TADA2A: variants seen among roughly 807,000 people sequenced by gnomAD.
TADA2A encodes transcriptional adaptor 2A, also known as transcriptional adapter 2-alpha.
Under a neutral mutation model 67.4 loss-of-function variants are expected in TADA2A, and 38 were observed. The ratio of observed to expected loss-of-function variants is 0.56; its 90% CI spans 0.44 to 0.74. TADA2A has a LOEUF of 0.74. Among genes scored for constraint, TADA2A ranks in the 30% least tolerant of loss-of-function variants. The pLI is 0.00. For missense variants in TADA2A, 454 were observed against 547.0 expected (o/e 0.83, Z 1.70); for synonymous variants, 192 against 181.6 (o/e 1.06, Z -0.46).
At chr17:37,460,506 A>G (rs1476739240) in intron 9 of TADA2A, among the ~76,000 whole-genome samples, 1 of 151,802 alleles carries the variant, frequency 6.6e-6, no homozygotes, top group Non-Finnish European at 1.5e-5. Flanking sequence ...CAGCCTCCCA[A>G]AGTGCTGGGA....
At chr17:37,422,747 C>G (rs1172866657) in intron 2 of TADA2A, among the ~76,000 whole-genome samples, 7 of 152,042 alleles carry the variant, frequency 4.6e-5, no homozygotes. Context: ...GGTAATGCAC[C>G]CACCTTGGCC....
chr17:37,411,346 C>T lies in TADA2A; in HGVS notation c.-20C>T. ...GCTCTGCTGAGGAAGACCAAAGCAG[C>T]ACTCGTTGCCAATTAGGGAATGGAC... On this transcript the variant is annotated 5_prime_UTR_variant, in exon 2 of 16. Transcript: ENST00000615182. 1 of 1,613,822 alleles carries T rather than the reference C, an allele frequency of 6.2e-7. No homozygotes were observed. Among genetic ancestry groups the T allele is most frequent in the Admixed American group, 1.7e-5 (1 of 60,018 alleles).
rs1568155100 is a variant in TADA2A at position 37,439,934 on chromosome 17, ATTT to A, written c.285-570_285-568del. On this transcript the variant is annotated intron_variant, in intron 5 of 15. Coordinates refer to ENST00000615182, the MANE Select transcript of TADA2A (RefSeq NM_001166105.3). ...TATTTATTTATTTATTTATTTATTT[ATTT>A]ATTTATTATTTTTTTTTTTTTTTGA... is the stretch of plus-strand genomic sequence containing the variant. 5.6e-5 allele frequency among the ~76,000 whole-genome samples: 5 copies of A among 88,884 alleles called. No individual in the cohort carries two copies. The East Asian group carries it at 2.1e-3, about 37-fold the overall frequency. 58.3% of individuals were successfully genotyped at this position (88,884 alleles called of 152,430 possible). A position where few individuals can be genotyped will look rare whatever the true frequency, so the allele number is the denominator to read the frequency against.
intron 8 of TADA2A, among the ~76,000 whole-genome samples, chr17:37,457,064 C>T (rs1025431990): frequency 1.3e-5 from 2 of 152,130 alleles, no homozygotes; most frequent in Non-Finnish European, 2.9e-5. Context: ...GTTGCTGCTC[C>T]CCAACTGAAA....
chr17:37,422,163 A>C (rs2052257008), intron 2 of TADA2A, among the ~76,000 whole-genome samples: 1 of 145,322 alleles, frequency 6.9e-6, no homozygotes, highest in Non-Finnish European at 1.5e-5. Context: ...CCTCTGCCTC[A>C]GCCTCCTGAG....
intron 11 of TADA2A, 46 bp from the exon 12 acceptor site, chr17:37,467,408 C>T (rs377627723): frequency 8.4e-6 from 13 of 1,548,464 alleles, no homozygotes; most frequent in East Asian, 2.3e-5. Flanking sequence ...ACTAATGTTG[C>T]TTTTGTTTTT....
At chr17:37,435,997 T>A (rs866877238) in intron 4 of TADA2A, among the ~76,000 whole-genome samples, 26 of 151,880 alleles carry the variant, frequency 1.7e-4, no homozygotes, top group African/African-American at 5.3e-4. Context: ...ATTGCAGGCA[T>A]GAGCCACCAT....
chr17:37,412,783 C>CAA, intron 2 of TADA2A, among the ~76,000 whole-genome samples: 1 of 146,512 alleles, frequency 6.8e-6, no homozygotes. Context: ...GAATCTGTCT[C>CAA]AAAAAAAAAA....
intron 10 of TADA2A, among the ~76,000 whole-genome samples, chr17:37,464,540 T>C (rs565543894): frequency 1.8e-3 from 280 of 152,228 alleles, no homozygotes; most frequent in Non-Finnish European, 3.3e-3. Context: ...CCCTGTGTAG[T>C]TTAAAAGACA....
At chr17:37,435,408 C>T (rs1473144935) in intron 4 of TADA2A, among the ~76,000 whole-genome samples, 2 of 152,166 alleles carry the variant, frequency 1.3e-5, no homozygotes. Flanking sequence ...CCTGCCTCAG[C>T]CTCCCGAGCA....
rs1306572933 is a variant in TADA2A, at chr17:37,419,394, G to A, written c.26-4115G>A. 4.8e-5 allele frequency among the ~76,000 whole-genome samples: 7 copies of A among 144,912 alleles called. 1 individual carries two copies. Among genetic ancestry groups the A allele is most frequent in the South Asian group, 2.3e-4 (1 of 4,398 alleles). On this transcript the variant is annotated intron_variant, in intron 2 of 15. Coordinates refer to ENST00000615182, the MANE Select transcript of TADA2A (RefSeq NM_001166105.3). Reference sequence around the variant, plus strand: ...TCACCATGTTCCCCAGGCTGGTCTCGAACTCCTGAGCTCAAGTGATCCACC... The same window carrying A: ...TCACCATGTTCCCCAGGCTGGTCTCAAACTCCTGAGCTCAAGTGATCCACC...
rs542909158 is a variant in TADA2A, at chr17:37,422,295, C to T, written c.26-1214C>T. Among the ~76,000 whole-genome samples the T allele has an allele frequency of 3.4e-5, 5 of 148,424 alleles. 1 individual carries two copies. In the South Asian group the frequency reaches 1.1e-3, roughly 32 times the overall value. ...TCCTCACCTCATGATCCACCCGCCT[C>T]GGCCCCCCAAAGTGCTGGGATTACA... is the stretch of plus-strand genomic sequence containing the variant. On this transcript the variant is annotated intron_variant, in intron 2 of 15. Coordinates refer to ENST00000615182, the MANE Select transcript of TADA2A (RefSeq NM_001166105.3).
chr17:37,440,788 A>G (rs2052891257), intron 6 of TADA2A, 126 bp downstream of exon 6: 4 of 1,213,230 alleles, frequency 3.3e-6, no homozygotes, highest in African/African-American at 1.5e-5. Flanking sequence ...AGGAGTTAGT[A>G]TGGCAGCTAT....
intron 11 of TADA2A, 35 bp downstream of exon 11, chr17:37,465,576 T>C: frequency 6.2e-7 from 1 of 1,613,110 alleles, no homozygotes; most frequent in Non-Finnish European, 8.5e-7. Flanking sequence ...AGTATTTGTG[T>C]GTGTATATTT....
In TADA2A at chr17:37,464,720, C is replaced by T. The variant is rs146177251; in HGVS notation, c.713-711C>T. 8.5e-3 allele frequency among the ~76,000 whole-genome samples: 1,282 copies of T among 151,440 alleles called. 7 individuals are homozygous for T. The highest frequency in any genetic ancestry group is 0.011 in the Admixed American group (174 of 15,168). On this transcript the variant is annotated intron_variant, in intron 10 of 15. Coordinates refer to ENST00000615182, the MANE Select transcript of TADA2A (RefSeq NM_001166105.3). ...TCGAGCATGGCGGTGTGCCTGTAAT[C>T]CCAGCTACTTGGGAGGCTGAGACAG...
chr17:37,440,675 C>G lies in TADA2A; in HGVS notation c.442+13C>G, dbSNP rs769599716. 2 of 1,613,992 alleles carry G rather than the reference C, an allele frequency of 1.2e-6. No homozygotes were observed. The highest frequency in any genetic ancestry group is 1.7e-6 in the Non-Finnish European group (2 of 1,179,924). On this transcript the variant is annotated intron_variant, in intron 6 of 15. Transcript: ENST00000615182. Reference sequence around the variant, plus strand: ...ATTCCATTTCACTGTAAGTGCCTCCCTATCTTGATAAGATATACTTAGCTC... The same window carrying G: ...ATTCCATTTCACTGTAAGTGCCTCCGTATCTTGATAAGATATACTTAGCTC...
intron 4 of TADA2A, among the ~76,000 whole-genome samples, chr17:37,436,669 TA>T (rs2052736380): frequency 1.3e-5 from 2 of 151,964 alleles, no homozygotes; most frequent in African/African-American, 4.9e-5. Context: ...TAAAGTTTAA[TA>T]TTATACTCTT....
intron 7 of TADA2A, 120 bp downstream of exon 7, chr17:37,442,772 T>C (rs2052960250): frequency 2.2e-6 from 2 of 896,568 alleles, no homozygotes; most frequent in Admixed American, 5.7e-5. Flanking sequence ...CACTATAATT[T>C]GTAGGACCTT....
At chr17:37,459,676 T>TC (rs2053498575) in intron 9 of TADA2A, among the ~76,000 whole-genome samples, 1 of 151,206 alleles carries the variant, frequency 6.6e-6, no homozygotes, top group African/African-American at 2.4e-5. Flanking sequence ...CACTGCAGTC[T>TC]CCAACTCCTG....
Sources: allele counts gnomAD v4.1 joint callset (sites outside exome capture counted in the v4.1 genomes callset), GRCh38; gene constraint gnomAD v4.1.1; transcripts MANE v1.5; gene names NCBI Gene and HGNC (gene_info 2026-07-23, HGNC 2026-07-21).